STRADB: variants seen among roughly 807,000 people sequenced by gnomAD.
The protein encoded by STRADB is STE20-related kinase adapter protein beta.
STRADB carries 34 observed loss-of-function variants against 52.1 expected under a neutral mutation model. That is an observed-to-expected ratio of 0.65 (90% CI 0.50 to 0.87). The LOEUF (loss-of-function observed/expected upper bound fraction) is 0.87. STRADB is among the 40% of genes least tolerant of loss of function. The pLI, the probability that STRADB is intolerant of heterozygous loss-of-function variation, is 0.00. For missense variants in STRADB, 340 were observed against 483.9 expected, an observed-to-expected ratio of 0.70 and a Z score of 2.79; for synonymous variants, 133 against 174.5, an observed-to-expected ratio of 0.76 and a Z score of 1.87.
chr2:201,472,247 C>T (rs562335804), intron 4 of STRADB, among the ~76,000 whole-genome samples: 4 of 152,324 alleles, frequency 2.6e-5, no homozygotes, highest in Non-Finnish European at 5.9e-5. Context: ...AGCAATCTCA[C>T]TCGCAGATAT....
At position 201,473,056 on chromosome 2, in the gene STRADB, G is replaced by C; in HGVS notation, c.295G>C (p.Glu99Gln). 6.2e-7 allele frequency: 1 copy of C among 1,612,758 alleles called. No individual in the cohort carries two copies. The highest frequency in any genetic ancestry group is 8.5e-7 in the Non-Finnish European group (1 of 1,179,612). ...KITNLENCNE[E>Q]RLKALQKAVI... ...TACAAATCTGGAAAACTGCAATGAA[G>C]AACGCCTGAAAGCTTTACAGGTAAC... Residue 99 changes from glutamate to glutamine, a missense_variant, in exon 5 of 12, where the codon GAA (glutamate) becomes CAA (glutamine). Coordinates refer to ENST00000194530, the MANE Select transcript of STRADB (RefSeq NM_018571.6).
Position 201,454,783 on chromosome 2 carries a change from A to C in STRADB, c.-58A>C. ...GCATCTTGAAAGGAAGATAAAACAA[A>C]AGCCTTCTTTGGAATAGATGGATTT... is the stretch of plus-strand genomic sequence containing the variant. On this transcript the variant is annotated 5_prime_UTR_variant, in exon 2 of 12. Transcript: ENST00000194530. The C allele has an allele frequency of 1.3e-6, 2 of 1,532,382 alleles. No individual in the cohort carries two copies. Among genetic ancestry groups the C allele is most frequent in the Non-Finnish European group, 1.8e-6 (2 of 1,127,332 alleles). 94.9% of individuals were successfully genotyped at this position (1,532,382 alleles called of 1,614,324 possible).
chr2:201,478,173 G>A lies in STRADB; in HGVS notation c.807G>A (p.Gln269=). 1 of 1,613,380 alleles carries A rather than the reference G, an allele frequency of 6.2e-7. No homozygotes were observed. The highest frequency in any genetic ancestry group is 1.1e-5 in the South Asian group (1 of 90,822). ...CELASGQVPF[Q]DMHRTQMLLQ... ...TAGCCAGTGGGCAGGTGCCTTTCCA[G>A]GACATGCATAGAACTCAGGTAAGTG... Residue 269 remains glutamine (Q), a synonymous_variant, in exon 9 of 12, where the codon CAG becomes CAA. Coordinates refer to ENST00000194530, the MANE Select transcript of STRADB (RefSeq NM_018571.6).
chr2:201,469,553 T>C (rs537969278), intron 3 of STRADB, among the ~76,000 whole-genome samples: 79 of 152,358 alleles, frequency 5.2e-4, no homozygotes, highest in Non-Finnish European at 9.7e-4. Context: ...GCAGAGCATG[T>C]ACCTTGTGAA....
intron 3 of STRADB, among the ~76,000 whole-genome samples, chr2:201,459,956 GC>G (rs1952188632): frequency 6.6e-6 from 1 of 152,030 alleles, no homozygotes; most frequent in Non-Finnish European, 1.5e-5. Context: ...ATTTGGTTCT[GC>G]TCCCGTGTAT....
At position 201,478,408 on chromosome 2, in the gene STRADB, A is replaced by G. The variant is rs1952514435; in HGVS notation, c.877A>G (p.Ile293Val). 1 of 1,614,112 alleles carries G rather than the reference A, an allele frequency of 6.2e-7. No homozygotes were observed. Among genetic ancestry groups the G allele is most frequent in the African/African-American group, 1.3e-5 (1 of 75,038 alleles). The change falls in exon 10 of 12, where the codon ATT becomes GTT. Residue 293 changes from isoleucine (I) to valine (V), a missense_variant. Physicochemically the swap from Ile to Val is conservative, Grantham distance 29. Coordinates refer to ENST00000194530, the MANE Select transcript of STRADB (RefSeq NM_018571.6). ...TCCTTATAGCCCATTGGATATCAGT[A>G]TTTTCCCTCAATCAGAATCCAGAAT... The part of the protein sequence containing the change: ...GPPYSPLDIS[I>V]FPQSESRMKN...
intron 11 of STRADB, 52 bp downstream of exon 11, chr2:201,479,583 G>C (rs1387116637): frequency 6.5e-7 from 1 of 1,533,740 alleles, no homozygotes; most frequent in Non-Finnish European, 8.8e-7. Context: ...CTATTAAAAA[G>C]TCACTTTATT....
At chr2:201,453,040 C>T (rs910812656) in intron 1 of STRADB, among the ~76,000 whole-genome samples, 1 of 150,986 alleles carries the variant, frequency 6.6e-6, no homozygotes, top group Non-Finnish European at 1.5e-5. Context: ...AAATCCCCCA[C>T]CCCCACCCCT....
intron 6 of STRADB, among the ~76,000 whole-genome samples, chr2:201,475,336 A>G (rs915601867): frequency 1.3e-5 from 2 of 151,786 alleles, no homozygotes; most frequent in African/African-American, 4.8e-5. Context: ...TTGCTTCTGG[A>G]TTTAAGAAAA....
intron 6 of STRADB, 59 bp from the exon 7 acceptor site, chr2:201,475,560 A>C: frequency 5.6e-6 from 9 of 1,606,848 alleles, no homozygotes; most frequent in Non-Finnish European, 7.7e-6. Context: ...ACATTAAAAT[A>C]CAGCTGGAAG....
At chr2:201,460,271 A>G (rs924811742) in intron 3 of STRADB, among the ~76,000 whole-genome samples, 1 of 152,204 alleles carries the variant, frequency 6.6e-6, no homozygotes, top group Non-Finnish European at 1.5e-5. Context: ...TAGAAGATGT[A>G]TATATTTATG....
At chr2:201,459,754 T>C (rs181384341) in intron 3 of STRADB, among the ~76,000 whole-genome samples, 3 of 152,356 alleles carry the variant, frequency 2.0e-5, no homozygotes, top group South Asian at 2.1e-4. Context: ...GAAACTTCCA[T>C]TGGCTTCCTA....
Position 201,479,917 on chromosome 2 carries a change from C to G in STRADB, c.1114-115C>G. On this transcript the variant is annotated intron_variant, in intron 11 of 11. Coordinates refer to ENST00000194530, the MANE Select transcript of STRADB (RefSeq NM_018571.6). ...ATCAAAGGCAGTTTTAGGGGAAATA[C>G]CTGAAAACAATTTTAAACACATTTA... 4 of 1,322,840 alleles carry G rather than the reference C, an allele frequency of 3.0e-6. No homozygotes were observed. In the South Asian group the frequency reaches 5.1e-5, roughly 17 times the overall value. 81.9% of individuals were successfully genotyped at this position (1,322,840 alleles called of 1,614,324 possible).
intron 5 of STRADB, among the ~76,000 whole-genome samples, chr2:201,473,827 T>C (rs1952428263): frequency 1.3e-5 from 2 of 152,064 alleles, no homozygotes; most frequent in Admixed American, 1.3e-4. Flanking sequence ...ACCATTTTTA[T>C]CGTCACTAAT....
chr2:201,452,702 G>A (rs1183191117), intron 1 of STRADB, among the ~76,000 whole-genome samples: 2 of 152,130 alleles, frequency 1.3e-5, no homozygotes, highest in Non-Finnish European at 2.9e-5. Flanking sequence ...AGTTACATCG[G>A]GTCATTTTTG....
At chr2:201,462,327 A>G (rs116758028) in intron 3 of STRADB, among the ~76,000 whole-genome samples, 1,782 of 152,270 alleles carry the variant, frequency 0.012, 39 homozygotes, top group African/African-American at 0.04. Context: ...TGTAGGCAAC[A>G]GATAATTGAA....
chr2:201,474,179 C>T (rs574530975), intron 5 of STRADB, among the ~76,000 whole-genome samples: 45 of 152,076 alleles, frequency 3.0e-4, no homozygotes, highest in East Asian at 1.9e-4. Flanking sequence ...CGTGAGCCAC[C>T]GTGCCCGGCC....
chr2:201,454,886 C>T, intron 2 of STRADB, 34 bp downstream of exon 2: 2 of 1,597,320 alleles, frequency 1.3e-6, no homozygotes, highest in Non-Finnish European at 1.7e-6. Context: ...TGATTTTGTT[C>T]TGTCAGAGTA....
At chr2:201,478,272 G>T in intron 9 of STRADB, 81 bp downstream of exon 9, 1 of 1,592,718 alleles carries the variant, frequency 6.3e-7, no homozygotes, top group Non-Finnish European at 8.6e-7. Context: ...AAACATGTTT[G>T]CTATAGACTC....
Sources: gnomAD v4.1 joint callset for allele counts (sites outside exome capture counted in the v4.1 genomes callset) on GRCh38, gnomAD v4.1.1 for gene constraint, MANE v1.5 for transcripts, NCBI Gene and HGNC (gene_info 2026-07-23, HGNC 2026-07-21) for gene names.